Variants in CACNA2D3 observed in about 807,000 individuals in gnomAD.
CACNA2D3 encodes voltage-dependent calcium channel subunit alpha-2/delta-3.
CACNA2D3 carries 60 observed loss-of-function variants against 160.6 expected under a neutral mutation model. The observed-to-expected ratio is 0.37, with a 90% CI of 0.30 to 0.46. The LOEUF is 0.46. Ranked by LOEUF, CACNA2D3 falls within the 20% of genes least tolerant of loss-of-function variation. The probability of loss-of-function intolerance (pLI) is 1.00; values close to 1 mark genes in which losing one functional copy is unlikely to be tolerated. For missense variants in CACNA2D3, 1,205 were observed against 1,365.0 expected, an observed-to-expected ratio of 0.88 and a Z score of 1.85; for synonymous variants, 558 against 492.9, an observed-to-expected ratio of 1.13 and a Z score of -1.75.
chr3:54,950,416 A>G (rs1466479282), intron 27 of CACNA2D3, among the ~76,000 whole-genome samples: 1 of 152,134 alleles, frequency 6.6e-6, no homozygotes, highest in East Asian at 1.9e-4. Flanking sequence ...ATTTTAGGGA[A>G]CCTGTGTATG....
At chr3:54,898,802 C>T (rs573365341) in intron 26 of CACNA2D3, among the ~76,000 whole-genome samples, 1 of 152,248 alleles carries the variant, frequency 6.6e-6, no homozygotes, top group South Asian at 2.1e-4. Flanking sequence ...TTACCTTGTT[C>T]ATGACAAAGT....
chr3:54,532,442 G>A (rs941171006), intron 5 of CACNA2D3, among the ~76,000 whole-genome samples: 1 of 152,094 alleles, frequency 6.6e-6, no homozygotes, highest in African/African-American at 2.4e-5. Flanking sequence ...ACCCAATAAG[G>A]AATTTCTCAT....
At chr3:54,189,720 G>A (rs1700945481) in intron 2 of CACNA2D3, among the ~76,000 whole-genome samples, 1 of 152,116 alleles carries the variant, frequency 6.6e-6, no homozygotes, top group Non-Finnish European at 1.5e-5. Context: ...CTTCCCACTG[G>A]ATTGGGCACC....
At chr3:54,985,917 T>C (rs1389198245) in intron 30 of CACNA2D3, among the ~76,000 whole-genome samples, 1 of 152,198 alleles carries the variant, frequency 6.6e-6, no homozygotes, top group Non-Finnish European at 1.5e-5. Flanking sequence ...TCTGATGCTT[T>C]ACATCACTAG....
At chr3:54,211,256 G>T (rs1203602298) in intron 2 of CACNA2D3, among the ~76,000 whole-genome samples, 1 of 152,068 alleles carries the variant, frequency 6.6e-6, no homozygotes, top group Non-Finnish European at 1.5e-5. Flanking sequence ...CATTTTGGAA[G>T]TCTTCCAATA....
In CACNA2D3 at chr3:55,044,252, T is replaced by C. The variant is rs77675217; in HGVS notation, c.2987+25935T>C. Among the ~76,000 whole-genome samples the C allele has an allele frequency of 1.5e-3, 228 of 152,344 alleles. 2 individuals are homozygous for C. In the East Asian group the frequency reaches 0.029, roughly 19 times the overall value. ...CCAGTCCATAAGCATGGTGTAACCATCTATTTATTTCAGTTGTCTTTGTTT... is the reference window on the plus strand; with the variant it reads ...CCAGTCCATAAGCATGGTGTAACCACCTATTTATTTCAGTTGTCTTTGTTT... On this transcript the variant is annotated intron_variant, in intron 35 of 37. Transcript: ENST00000474759.
At chr3:55,034,179 A>G (rs939054984) in intron 35 of CACNA2D3, among the ~76,000 whole-genome samples, 1 of 151,904 alleles carries the variant, frequency 6.6e-6, no homozygotes, top group East Asian at 1.9e-4. Context: ...CTACCAATTT[A>G]TGAGAATGTT....
chr3:54,521,748 TA>T (rs1047961844), intron 5 of CACNA2D3, among the ~76,000 whole-genome samples: 1 of 152,136 alleles, frequency 6.6e-6, no homozygotes, highest in African/African-American at 2.4e-5. Context: ...TTGTGTGAGG[TA>T]AGAGTCCAAC....
At position 54,737,635 on chromosome 3, in the gene CACNA2D3, G is replaced by A. The variant is rs560941908; in HGVS notation, c.1168-14964G>A. 1.1e-3 allele frequency among the ~76,000 whole-genome samples: 163 copies of A among 152,202 alleles called. No homozygotes were observed. In the South Asian group the frequency reaches 0.016, roughly 15 times the overall value. ...TGACTTTTATTTTAAATAAGGGAAG[G>A]CCTCTATAGAGCTGTGAGCAAAGGC... On this transcript the variant is annotated intron_variant, in intron 11 of 37. Transcript: ENST00000474759.
chr3:54,498,232 A>G lies in CACNA2D3; in HGVS notation c.382-5260A>G, dbSNP rs1272662463. On this transcript the variant is annotated intron_variant, in intron 4 of 37. Transcript: ENST00000474759. ...CCTAGAGTTGTTTGTTTGTTTTATC[A>G]TGGCTATTAACAGTGAAATCAATAT... Among the ~76,000 whole-genome samples, 14 of 151,830 alleles carry G rather than the reference A, an allele frequency of 9.2e-5. No homozygotes were observed. The East Asian group carries it at 1.7e-3, about 19-fold the overall frequency.
chr3:54,288,193 A>G (rs1703083295), intron 2 of CACNA2D3, among the ~76,000 whole-genome samples: 2 of 152,202 alleles, frequency 1.3e-5, no homozygotes, highest in Non-Finnish European at 2.9e-5. Flanking sequence ...AATAAAGAAG[A>G]AAAGAGAGAA....
At chr3:54,413,196 G>A (rs1414424437) in intron 4 of CACNA2D3, among the ~76,000 whole-genome samples, 1 of 151,398 alleles carries the variant, frequency 6.6e-6, no homozygotes, top group African/African-American at 2.4e-5. Context: ...TTTTCTTTTA[G>A]CATTTTAAGG....
chr3:54,980,458 TA>T (rs1159182169), intron 29 of CACNA2D3, among the ~76,000 whole-genome samples: 1 of 152,218 alleles, frequency 6.6e-6, no homozygotes, highest in African/African-American at 2.4e-5. Context: ...AACAATCCTT[TA>T]ACCCTTTAAT....
intron 3 of CACNA2D3, among the ~76,000 whole-genome samples, chr3:54,354,697 A>G (rs1000424212): frequency 6.6e-6 from 1 of 152,198 alleles, no homozygotes; most frequent in Admixed American, 6.5e-5. Flanking sequence ...TTGTCATTCT[A>G]CCTCGAGGCT....
chr3:54,748,132 A>G (rs910641922), intron 11 of CACNA2D3, among the ~76,000 whole-genome samples: 1 of 152,168 alleles, frequency 6.6e-6, no homozygotes. Flanking sequence ...TCAGAAACAC[A>G]AGCTTTCTTC....
chr3:55,009,093 A>G (rs1703158325), intron 33 of CACNA2D3, among the ~76,000 whole-genome samples: 1 of 152,230 alleles, frequency 6.6e-6, no homozygotes, highest in South Asian at 2.1e-4. Flanking sequence ...GATGATATTA[A>G]GATTGAACAA....
intron 5 of CACNA2D3, among the ~76,000 whole-genome samples, chr3:54,545,914 T>G (rs1264599229): frequency 6.6e-6 from 1 of 152,188 alleles, no homozygotes; most frequent in Non-Finnish European, 1.5e-5. Context: ...TGGGCTTGCA[T>G]TCAGATCCAA....
intron 2 of CACNA2D3, among the ~76,000 whole-genome samples, chr3:54,301,265 C>CAAA (rs770470122): frequency 2.3e-5 from 3 of 131,046 alleles, no homozygotes; most frequent in African/African-American, 5.5e-5. Flanking sequence ...TCAAAACAAA[C>CAAA]AAACAACAAC....
chr3:54,690,227 A>G (rs1469393096), intron 11 of CACNA2D3, among the ~76,000 whole-genome samples: 1 of 151,948 alleles, frequency 6.6e-6, no homozygotes, highest in African/African-American at 2.4e-5. Flanking sequence ...TCTCCTCTCC[A>G]CTAACTCTAG....
Sources: gnomAD v4.1 joint callset for allele counts (sites outside exome capture counted in the v4.1 genomes callset) on GRCh38, gnomAD v4.1.1 for gene constraint, MANE v1.5 for transcripts, NCBI Gene and HGNC (gene_info 2026-07-23, HGNC 2026-07-21) for gene names.